The following PPP1R37 variants were observed in gnomAD, a reference collection of about 807,000 sequenced individuals.
PPP1R37 encodes protein phosphatase 1 regulatory subunit 37, also known as leucine rich repeat containing 68.
PPP1R37 carries 21 observed loss-of-function variants against 61.0 expected under a neutral mutation model. The observed-to-expected ratio is 0.34, with a 90% confidence interval of 0.24 to 0.50. PPP1R37 has a LOEUF of 0.50. Among genes scored for constraint, PPP1R37 ranks in the 20% least tolerant of loss-of-function variants. The pLI is 0.98. For missense variants in PPP1R37, 910 were observed against 952.7 expected (o/e 0.96, Z 0.59); for synonymous variants, 443 against 433.5 (o/e 1.02, Z -0.27).
chr19:45,131,286 C>T (rs938610379), intron 1 of PPP1R37, among the ~76,000 whole-genome samples: 1 of 152,170 alleles, frequency 6.6e-6, no homozygotes, highest in African/African-American at 2.4e-5. Flanking sequence ...AGGCCCTGCC[C>T]GCCAGCTGCT....
intron 1 of PPP1R37, among the ~76,000 whole-genome samples, chr19:45,097,447 G>A (rs1364579092): frequency 6.6e-6 from 1 of 151,962 alleles, no homozygotes; most frequent in Non-Finnish European, 1.5e-5. Flanking sequence ...GCACCCCAGT[G>A]CAGGGGTCTC....
chr19:45,110,903 G>C (rs1968191493), intron 1 of PPP1R37, among the ~76,000 whole-genome samples: 1 of 152,192 alleles, frequency 6.6e-6, no homozygotes, highest in Admixed American at 6.5e-5. Context: ...AGAAGCCTGA[G>C]GCAGGTGGCC....
chr19:45,108,593 T>C (rs1968161756), intron 1 of PPP1R37: 1 of 151,880 alleles, frequency 6.6e-6, no homozygotes. Flanking sequence ...GCGAGCGTTC[T>C]TTTGACTACT....
Position 45,141,439 on chromosome 19 carries a change from A to G in PPP1R37, c.565A>G (p.Lys189Glu). 6 of 1,535,162 alleles carry G rather than the reference A, an allele frequency of 3.9e-6. No homozygotes were observed. The highest frequency in any genetic ancestry group is 5.2e-6 in the Non-Finnish European group (6 of 1,146,558). ...GWQAAAHMMR[K>E]TSCLQYLDAR... is the part of the protein sequence containing the mutation. Reference sequence around the variant, plus strand: ...GCAGGCGGCCGCCCACATGATGCGCAAGGTGGGCGCCTCTCGGCTTCCAGG... The same window carrying G: ...GCAGGCGGCCGCCCACATGATGCGCGAGGTGGGCGCCTCTCGGCTTCCAGG... The change falls in exon 5 of 13, where the codon AAG (lysine) becomes GAG (glutamate). Residue 189 changes from lysine (K) to glutamate (E), a missense_variant and splice_region_variant. Transcript: ENST00000221462.
rs2116901 is a variant in PPP1R37, at chr19:45,118,315, C to T, written c.203-20199C>T. Among the ~76,000 whole-genome samples the T allele has an allele frequency of 3.1e-3, 475 of 152,312 alleles. 3 individuals carry two copies. Among genetic ancestry groups the T allele is most frequent in the African/African-American group, 0.011 (450 of 41,574 alleles). Reference sequence around the variant, plus strand: ...GCCTGTGACCTGTGTCACAGGGCATCTGAGGATGTTGTTCCTGGAAGGCAA... The same window carrying T: ...GCCTGTGACCTGTGTCACAGGGCATTTGAGGATGTTGTTCCTGGAAGGCAA... On this transcript the variant is annotated intron_variant, in intron 1 of 12. Transcript: ENST00000221462.
chr19:45,129,415 C>T (rs970144854), intron 1 of PPP1R37, among the ~76,000 whole-genome samples: 5 of 152,194 alleles, frequency 3.3e-5, no homozygotes, highest in Non-Finnish European at 7.3e-5. Context: ...TCTCCTGCCT[C>T]AGCCTCCCGA....
chr19:45,119,955 C>T (rs1046056419), intron 1 of PPP1R37, among the ~76,000 whole-genome samples: 42 of 151,764 alleles, frequency 2.8e-4, no homozygotes, highest in African/African-American at 9.7e-4. Flanking sequence ...TCACTGGCTA[C>T]TCCATCTCTG....
At chr19:45,125,586 A>C (rs1191284371) in intron 1 of PPP1R37, among the ~76,000 whole-genome samples, 3 of 152,200 alleles carry the variant, frequency 2.0e-5, no homozygotes, top group African/African-American at 7.2e-5. Flanking sequence ...TAACCACCCT[A>C]GTGGGAAGAG....
chr19:45,135,147 C>T (rs1956451730), intron 1 of PPP1R37, among the ~76,000 whole-genome samples: 1 of 152,098 alleles, frequency 6.6e-6, no homozygotes, highest in South Asian at 2.1e-4. Context: ...ACTCGGGAGG[C>T]TGAGGCAGGA....
chr19:45,128,641 TA>T, intron 1 of PPP1R37: 1 of 1,244,484 alleles, frequency 8.0e-7, no homozygotes, highest in Non-Finnish European at 1.2e-6. Context: ...TGCTCAGCAT[TA>T]TGTAACACTG....
intron 11 of PPP1R37, 160 bp downstream of exon 11, chr19:45,146,209 T>G (rs1450501246): frequency 2.1e-6 from 2 of 969,032 alleles, no homozygotes; most frequent in Non-Finnish European, 3.0e-6. Flanking sequence ...CCTGCTTCCC[T>G]TGGGTCCTGG....
chr19:45,111,496 C>T (rs992013601), intron 1 of PPP1R37, among the ~76,000 whole-genome samples: 2 of 152,236 alleles, frequency 1.3e-5, no homozygotes, highest in South Asian at 2.1e-4. Flanking sequence ...AGGCTGGTCT[C>T]GAATCCCGAC....
intron 11 of PPP1R37, 119 bp downstream of exon 11, chr19:45,146,168 C>T: frequency 8.4e-7 from 1 of 1,185,458 alleles, no homozygotes; most frequent in Non-Finnish European, 1.2e-6. Context: ...TCGCAGGGGC[C>T]AGCAAAGTGG....
chr19:45,108,183 G>A (rs1568441247), intron 1 of PPP1R37, among the ~76,000 whole-genome samples: 2 of 152,066 alleles, frequency 1.3e-5, no homozygotes, highest in African/African-American at 4.8e-5. Context: ...TTCTGAGAGA[G>A]GGTCTCTCTC....
chr19:45,140,791 C>T (rs916063525), intron 4 of PPP1R37, 185 bp downstream of exon 4: 44 of 590,084 alleles, frequency 7.5e-5, no homozygotes, highest in East Asian at 6.5e-4. Context: ...ATGTGGAGGG[C>T]GCGTTGGGGC....
intron 1 of PPP1R37, among the ~76,000 whole-genome samples, chr19:45,118,617 G>A (rs1050052060): frequency 2.0e-5 from 3 of 152,184 alleles, no homozygotes; most frequent in Non-Finnish European, 4.4e-5. Flanking sequence ...TGGACTCCCT[G>A]CCGAACGTTG....
Position 45,142,477 on chromosome 19 carries a change from C to T in PPP1R37, c.874+19C>T. The T allele has an allele frequency of 6.5e-7, 1 of 1,534,316 alleles. No homozygotes were observed. Among genetic ancestry groups the T allele is most frequent in the Non-Finnish European group, 8.7e-7 (1 of 1,145,688 alleles). ...GACTCGGGTGGGTGCAGTGGCCCACCCCACCCACACCCGTCACCCAGCACC... is the reference window on the plus strand; with the variant it reads ...GACTCGGGTGGGTGCAGTGGCCCACTCCACCCACACCCGTCACCCAGCACC... On this transcript the variant is annotated intron_variant, in intron 7 of 12. Transcript: ENST00000221462.
Position 45,104,604 on chromosome 19 carries a change from C to T in PPP1R37, c.202+11077C>T, listed in dbSNP as rs149607358. ...TGGCTCTCCTGCTCCCTCTCCAACC[C>T]GCTCCCCACCTAGCAGCCACAGCAT... On this transcript the variant is annotated intron_variant, in intron 1 of 12. Transcript: ENST00000221462. Among the ~76,000 whole-genome samples, 47 of 152,318 alleles carry T rather than the reference C, an allele frequency of 3.1e-4. 1 individual carries two copies. The East Asian group carries it at 7.9e-3, about 26-fold the overall frequency.
intron 1 of PPP1R37, among the ~76,000 whole-genome samples, chr19:45,114,213 C>T (rs1289174971): frequency 3.9e-5 from 6 of 152,260 alleles, no homozygotes; most frequent in Non-Finnish European, 1.5e-5. Flanking sequence ...TTATCAGGGC[C>T]AGAATCCACC....
Sources: gnomAD v4.1 joint callset for allele counts (sites outside exome capture counted in the v4.1 genomes callset) on GRCh38, gnomAD v4.1.1 for gene constraint, MANE v1.5 for transcripts, NCBI Gene and HGNC (gene_info 2026-07-23, HGNC 2026-07-21) for gene names.